The following LARP4B variants were observed in gnomAD, a reference collection of about 807,000 sequenced individuals.
The protein encoded by LARP4B is la-related protein 4B.
In LARP4B, 12 loss-of-function variants were observed where a neutral mutation model predicts 89.8. That is an observed-to-expected ratio of 0.13 (90% CI 0.09 to 0.22). The LOEUF is 0.22. LARP4B is among the 10% of genes least tolerant of loss of function. LARP4B has a pLI of 1.00. For missense variants in LARP4B, 757 were observed against 947.7 expected (o/e 0.80, Z 2.64); for synonymous variants, 367 against 363.3 (o/e 1.01, Z -0.12).
chr10:817,743 T>C lies in LARP4B; in HGVS notation c.1677A>G (p.Ile559Met), dbSNP rs376152818. Residue 559 changes from isoleucine to methionine, a missense_variant, in exon 15 of 18, where the codon ATA (isoleucine) becomes ATG (methionine). Physicochemically the swap from Ile to Met is conservative, Grantham distance 10. Coordinates refer to ENST00000316157, the MANE Select transcript of LARP4B (RefSeq NM_015155.3). ...CCCTTACCCTTTCTTTGGATGGTCC[T>C]ATTATCAAGCTAGATAGCCTGTTTT... The part of the protein sequence containing the change: ...LFENRLSSLI[I>M]GPSKERTLSA... 6.6e-5 allele frequency: 106 copies of C among 1,614,100 alleles called. No individual in the cohort carries two copies. Among genetic ancestry groups the C allele is most frequent in the Non-Finnish European group, 8.2e-5 (97 of 1,180,038 alleles).
chr10:929,522 T>C (rs1277268977), intron 1 of LARP4B, among the ~76,000 whole-genome samples: 1 of 151,946 alleles, frequency 6.6e-6, no homozygotes, highest in Non-Finnish European at 1.5e-5. Flanking sequence ...CTTGAAGACC[T>C]AGGAGGTGGA....
intron 1 of LARP4B, among the ~76,000 whole-genome samples, chr10:922,208 T>C (rs924926893): frequency 1.3e-5 from 2 of 152,176 alleles, no homozygotes; most frequent in Non-Finnish European, 2.9e-5. Context: ...CAGTAGGATT[T>C]GAGCTCTTAT....
intron 13 of LARP4B, among the ~76,000 whole-genome samples, chr10:821,625 C>T (rs1832356270): frequency 6.6e-6 from 1 of 152,210 alleles, no homozygotes; most frequent in South Asian, 2.1e-4. Flanking sequence ...TGCAAAGACT[C>T]CCCCAAGGGC....
chr10:914,995 G>A (rs1836781095), intron 1 of LARP4B, among the ~76,000 whole-genome samples: 1 of 152,120 alleles, frequency 6.6e-6, no homozygotes, highest in Non-Finnish European at 1.5e-5. Flanking sequence ...AATATACAAC[G>A]TACACAAATG....
intron 6 of LARP4B, among the ~76,000 whole-genome samples, chr10:843,812 C>A (rs781093425): frequency 1.3e-5 from 2 of 152,212 alleles, no homozygotes; most frequent in African/African-American, 4.8e-5. Flanking sequence ...CCTGTAGACT[C>A]TGGAACACTC....
At chr10:919,157 ATAAT>A (rs1836911425) in intron 1 of LARP4B, among the ~76,000 whole-genome samples, 1 of 152,234 alleles carries the variant, frequency 6.6e-6, no homozygotes, top group Admixed American at 6.5e-5. Flanking sequence ...AAATATTTAA[ATAAT>A]TAAGTTATTA....
chr10:952,335 A>T, the LARP4B span, among the ~76,000 whole-genome samples: 1 of 108,216 alleles, frequency 9.2e-6, no homozygotes, highest in African/African-American at 3.8e-5. Flanking sequence ...GCGAGACTCC[A>T]TCTCAAAAAA....
intron 1 of LARP4B, 122 bp downstream of exon 1, chr10:931,300 CGGCCCA>C (rs1156616329): frequency 6.6e-6 from 1 of 152,002 alleles, no homozygotes; most frequent in Non-Finnish European, 1.5e-5. Flanking sequence ...GCCCCGGCCC[CGGCCCA>C]GGCCCGGCCC....
At chr10:885,442 T>G (rs1361398475) in intron 2 of LARP4B, among the ~76,000 whole-genome samples, 199 bp downstream of exon 2, 1 of 152,234 alleles carries the variant, frequency 6.6e-6, no homozygotes, top group Admixed American at 6.5e-5. Context: ...CTCTTGTTCA[T>G]CTGTCTTTTG....
At chr10:870,017 T>C (rs554898633) in intron 3 of LARP4B, 7 of 982,294 alleles carry the variant, frequency 7.1e-6, no homozygotes, top group Non-Finnish European at 8.5e-6. Flanking sequence ...ACTTACGAAC[T>C]GTCCGTCTCT....
chr10:905,163 C>T (rs371801792), intron 1 of LARP4B, among the ~76,000 whole-genome samples: 1 of 152,148 alleles, frequency 6.6e-6, no homozygotes, highest in South Asian at 2.1e-4. Context: ...ATAAGGGATA[C>T]TCAATCTATA....
chr10:941,479 A>G, the LARP4B span, among the ~76,000 whole-genome samples: 3 of 150,972 alleles, frequency 2.0e-5, no homozygotes, highest in Non-Finnish European at 4.4e-5. Context: ...ATGCCTGGCT[A>G]ATTTTTGTAT....
intron 11 of LARP4B, among the ~76,000 whole-genome samples, chr10:826,751 C>G (rs1832647296): frequency 6.6e-6 from 1 of 152,136 alleles, no homozygotes; most frequent in Admixed American, 6.5e-5. Context: ...TCCACACCCT[C>G]AATGTCACTA....
the LARP4B span, among the ~76,000 whole-genome samples, chr10:982,092 T>A: frequency 3.1e-5 from 3 of 98,072 alleles, no homozygotes; most frequent in Non-Finnish European, 5.8e-5. Context: ...AACCTATAGC[T>A]TTTTTTTCTT....
intron 3 of LARP4B, among the ~76,000 whole-genome samples, chr10:884,216 C>T (rs1361815353): frequency 1.3e-5 from 2 of 152,156 alleles, no homozygotes; most frequent in Non-Finnish European, 2.9e-5. Context: ...TGGTATGCTG[C>T]TGTTGGCAGA....
chr10:965,229 C>T, the LARP4B span, among the ~76,000 whole-genome samples: 9 of 152,228 alleles, frequency 5.9e-5, no homozygotes, highest in African/African-American at 1.9e-4. Flanking sequence ...CTGAGGGCCC[C>T]GCTCGGCTGT....
rs370160851 is a variant in LARP4B, at chr10:908,867, G to A, written c.-40+22561C>T. 7.9e-5 allele frequency among the ~76,000 whole-genome samples: 12 copies of A among 152,280 alleles called. No individual in the cohort carries two copies. The East Asian group carries it at 1.9e-3, about 24-fold the overall frequency. ...GGAGTGCAGGCTGCAGCACGGGGGG[G>A]GCCTCCCTTGCCAGGTGGTGAGGGG... On this transcript the variant is annotated intron_variant, in intron 1 of 17. Coordinates refer to ENST00000316157, the MANE Select transcript of LARP4B (RefSeq NM_015155.3).
In LARP4B at chr10:825,858, G is replaced by A; in HGVS notation, c.1138C>T (p.Pro380Ser). ...YLDPPLVTPFPNTGFINGFTS... is the reference protein window; with the variant it reads ...YLDPPLVTPFSNTGFINGFTS... ...AACCCATTTATAAATCCAGTATTTG[G>A]AAATGGAGTTACCTAGATTCATTTG... The change falls in exon 12 of 18, where the codon CCA becomes TCA. Residue 380 changes from proline to serine, a missense_variant. By Grantham distance (74) the Pro-to-Ser change is moderately conservative. Around this residue, in one of 5 missense-constraint regions of LARP4B, gnomAD observed 137 missense variants for 213.9 expected, o/e 0.64. Transcript: ENST00000316157. The A allele has an allele frequency of 1.9e-6, 3 of 1,608,352 alleles. No homozygotes were observed. The highest frequency in any genetic ancestry group is 2.6e-6 in the Non-Finnish European group (3 of 1,175,794).
intron 1 of LARP4B, among the ~76,000 whole-genome samples, chr10:906,876 T>G (rs1013504): frequency 6.6e-6 from 1 of 152,178 alleles, no homozygotes; most frequent in Non-Finnish European, 1.5e-5. Flanking sequence ...AACCACCAAC[T>G]GAACTGAATT....
Sources: allele counts gnomAD v4.1 joint callset (sites outside exome capture counted in the v4.1 genomes callset), GRCh38; gene constraint gnomAD v4.1.1; regional missense constraint gnomAD v4.1.1; transcripts MANE v1.5; gene names NCBI Gene and HGNC (gene_info 2026-07-23, HGNC 2026-07-21).